PSD3: variants seen among roughly 807,000 people sequenced by gnomAD.
The protein encoded by PSD3 is PH and SEC7 domain-containing protein 3.
In PSD3, 49 loss-of-function variants were observed where a neutral mutation model predicts 105.5. That is an observed-to-expected ratio of 0.46 (90% CI 0.37 to 0.59). The LOEUF is 0.59. Among genes scored for constraint, PSD3 ranks in the 20% least tolerant of loss-of-function variants. The pLI, the probability that PSD3 is intolerant of heterozygous loss-of-function variation, is 0.00. For synonymous variants in PSD3, 557 were observed against 457.8 expected, an observed-to-expected ratio of 1.22 and a Z score of -2.77; for missense variants, 1,561 against 1,263.8, an observed-to-expected ratio of 1.24 and a Z score of -3.57.
chr8:18,589,590 T>G (rs1803446157), intron 12 of PSD3, among the ~76,000 whole-genome samples: 1 of 152,026 alleles, frequency 6.6e-6, no homozygotes, highest in Admixed American at 6.6e-5. Flanking sequence ...AAAAAATAAT[T>G]ATAAAAATGT....
At position 18,871,968 on chromosome 8, in the gene PSD3, A is replaced by C. The variant is rs1238699290; in HGVS notation, c.896T>G (p.Val299Gly). 6.2e-7 allele frequency: 1 copy of C among 1,613,948 alleles called. No individual in the cohort carries two copies. Among genetic ancestry groups the C allele is most frequent in the Non-Finnish European group, 8.5e-7 (1 of 1,180,020 alleles). Residue 299 changes from valine to glycine, a missense_variant, in exon 3 of 16, where the codon GTG (valine) becomes GGG (glycine). Coordinates refer to ENST00000327040, the MANE Select transcript of PSD3 (RefSeq NM_015310.4). The part of the protein sequence containing the change: ...SMGRPGRVKH[V>G]EFQGVEILWT... ...CAGTATTTCCACTCCTTGAAATTCC[A>C]CATGTTTGACCCGGCCTGGGCGTCC... is the stretch of plus-strand genomic sequence containing the variant.
intron 9 of PSD3, among the ~76,000 whole-genome samples, chr8:18,714,235 G>A (rs1475001279): frequency 6.6e-6 from 1 of 151,990 alleles, no homozygotes; most frequent in Non-Finnish European, 1.5e-5. Context: ...ATTTTATGAT[G>A]AAAATGTCAA....
At chr8:18,986,711 A>G (rs373720221) in intron 1 of PSD3, among the ~76,000 whole-genome samples, 103 of 152,288 alleles carry the variant, frequency 6.8e-4, no homozygotes, top group African/African-American at 2.2e-3. Context: ...CCCCTAAAGT[A>G]TTCTTTAAAC....
intron 4 of PSD3, among the ~76,000 whole-genome samples, chr8:18,828,990 T>G (rs1005793762): frequency 1.3e-5 from 2 of 152,138 alleles, no homozygotes; most frequent in African/African-American, 4.8e-5. Flanking sequence ...GCGGACGGCT[T>G]GAGCCTGGGA....
At chr8:18,817,521 C>T (rs1812312815) in intron 4 of PSD3, among the ~76,000 whole-genome samples, 1 of 152,220 alleles carries the variant, frequency 6.6e-6, no homozygotes, top group Admixed American at 6.5e-5. Context: ...TGGGCTTTAA[C>T]ATACGCTCAG....
At chr8:18,815,664 G>C (rs1055994556) in intron 4 of PSD3, among the ~76,000 whole-genome samples, 1 of 152,172 alleles carries the variant, frequency 6.6e-6, no homozygotes, top group Non-Finnish European at 1.5e-5. Context: ...CACAGGCGTT[G>C]CTGTGTTTCT....
At chr8:18,905,668 T>C (rs1267549700) in intron 2 of PSD3, among the ~76,000 whole-genome samples, 9 of 152,304 alleles carry the variant, frequency 5.9e-5, no homozygotes, top group Middle Eastern at 3.4e-3. Flanking sequence ...TTTCTATGCG[T>C]CCTTATATTT....
At chr8:18,904,400 A>C (rs890562541) in intron 2 of PSD3, among the ~76,000 whole-genome samples, 1 of 152,186 alleles carries the variant, frequency 6.6e-6, no homozygotes, top group African/African-American at 2.4e-5. Flanking sequence ...AAAGCCATGA[A>C]GATGGGGCTG....
intron 4 of PSD3, among the ~76,000 whole-genome samples, chr8:18,840,400 T>C (rs567306569): frequency 7.2e-5 from 11 of 152,344 alleles, no homozygotes; most frequent in African/African-American, 2.6e-4. Context: ...GAACCCTAGT[T>C]GGTCTACTCA....
chr8:18,859,825 G>A (rs1816302147), intron 4 of PSD3, among the ~76,000 whole-genome samples: 1 of 152,214 alleles, frequency 6.6e-6, no homozygotes, highest in Non-Finnish European at 1.5e-5. Context: ...CGTTGTGGCT[G>A]ATTTGATCTT....
intron 12 of PSD3, among the ~76,000 whole-genome samples, chr8:18,591,229 A>T (rs1803581571): frequency 6.6e-6 from 1 of 152,118 alleles, no homozygotes; most frequent in South Asian, 2.1e-4. Context: ...TCAGCACCAG[A>T]AGAGAATGCC....
At position 18,607,134 on chromosome 8, in the gene PSD3, A is replaced by G. The variant is rs1476377140; in HGVS notation, c.2411-6700T>C. ...TGAAGGCAGGAAGAGAGATGATGAGATAAGAGGGAAATATAACCAGGTACT... is the reference window on the plus strand; with the variant it reads ...TGAAGGCAGGAAGAGAGATGATGAGGTAAGAGGGAAATATAACCAGGTACT... On this transcript the variant is annotated intron_variant, in intron 11 of 15. Transcript: ENST00000327040. Among the ~76,000 whole-genome samples, 5 of 152,252 alleles carry G rather than the reference A, an allele frequency of 3.3e-5. No individual in the cohort carries two copies. The East Asian group carries it at 7.7e-4, about 24-fold the overall frequency.
chr8:18,665,809 C>A (rs1013432483), intron 9 of PSD3, among the ~76,000 whole-genome samples: 4 of 152,172 alleles, frequency 2.6e-5, no homozygotes, highest in Admixed American at 6.5e-5. Flanking sequence ...TGTGATCGTG[C>A]CACTGCACTT....
At chr8:18,843,547 T>C (rs1477483025) in intron 4 of PSD3, among the ~76,000 whole-genome samples, 1 of 152,232 alleles carries the variant, frequency 6.6e-6, no homozygotes, top group East Asian at 1.9e-4. Flanking sequence ...TCTGGGTTTA[T>C]AATGCGTTCT....
chr8:19,063,503 T>C (rs1828970432), intron 1 of PSD3, among the ~76,000 whole-genome samples: 1 of 152,168 alleles, frequency 6.6e-6, no homozygotes, highest in East Asian at 1.9e-4. Context: ...CTGTTTTCCT[T>C]ACACAACCCC....
chr8:18,828,747 G>T (rs1813430608), intron 4 of PSD3, among the ~76,000 whole-genome samples: 1 of 152,016 alleles, frequency 6.6e-6, no homozygotes, highest in African/African-American at 2.4e-5. Context: ...GATCACATGA[G>T]GCCAGAAGTT....
In PSD3 at chr8:18,799,539, T is replaced by C. The variant is rs191392349; in HGVS notation, c.2024-186A>G. Among the ~76,000 whole-genome samples, 227 of 152,348 alleles carry C rather than the reference T, an allele frequency of 1.5e-3. 1 individual carries two copies. Among genetic ancestry groups the C allele is most frequent in the African/African-American group, 5.2e-3 (217 of 41,574 alleles). On this transcript the variant is annotated intron_variant, in intron 7 of 15. Transcript: ENST00000327040. ...TAGAAAGAACCTCAATGCACAGAAC[T>C]GGACTCCACTGTTGATAAGTTGTTC...
At chr8:19,036,817 G>C (rs1033742715) in intron 1 of PSD3, among the ~76,000 whole-genome samples, 8 of 152,088 alleles carry the variant, frequency 5.3e-5, no homozygotes, top group African/African-American at 1.9e-4. Flanking sequence ...ATCAGACCAG[G>C]GCTCTTCTTT....
At chr8:18,739,992 G>T (rs543300221) in intron 9 of PSD3, among the ~76,000 whole-genome samples, 1 of 152,232 alleles carries the variant, frequency 6.6e-6, no homozygotes, top group Non-Finnish European at 1.5e-5. Context: ...TCAAATCTGG[G>T]ATAACAGACT....
Sources: gnomAD v4.1 joint callset for allele counts (sites outside exome capture counted in the v4.1 genomes callset) on GRCh38, gnomAD v4.1.1 for gene constraint, MANE v1.5 for transcripts, NCBI Gene and HGNC (gene_info 2026-07-23, HGNC 2026-07-21) for gene names.